The following TFDP2 variants were observed in gnomAD, a reference collection of about 807,000 sequenced individuals.
TFDP2 encodes transcription factor Dp-2 (E2F dimerization partner 2).
In TFDP2, 17 loss-of-function variants were observed where a neutral mutation model predicts 59.3. The observed-to-expected ratio is 0.29, with a 90% CI of 0.20 to 0.43. The LOEUF is 0.43. TFDP2 is among the 20% of genes least tolerant of loss of function. The pLI is 1.00. For missense variants in TFDP2, 391 were observed against 528.8 expected, an observed-to-expected ratio of 0.74 and a Z score of 2.56; for synonymous variants, 180 against 194.7, an observed-to-expected ratio of 0.92 and a Z score of 0.63.
At chr3:142,135,931 T>A (rs1164254408) in intron 1 of TFDP2, among the ~76,000 whole-genome samples, 1 of 152,074 alleles carries the variant, frequency 6.6e-6, no homozygotes, top group African/African-American at 2.4e-5. Flanking sequence ...GTGATGAGAT[T>A]GCTGGGTCAA....
At chr3:142,091,907 C>G (rs1467553484) in intron 3 of TFDP2, among the ~76,000 whole-genome samples, 1 of 152,160 alleles carries the variant, frequency 6.6e-6, no homozygotes, top group African/African-American at 2.4e-5. Flanking sequence ...GCCATGAGCT[C>G]ACAGCCTGGG....
intron 1 of TFDP2, among the ~76,000 whole-genome samples, chr3:142,143,006 C>T (rs554167601): frequency 9.8e-5 from 15 of 152,296 alleles, no homozygotes; most frequent in East Asian, 3.9e-4. Flanking sequence ...GAGGCCAAGG[C>T]GAGCAGATCA....
intron 1 of TFDP2, among the ~76,000 whole-genome samples, chr3:142,103,712 T>C (rs547543260): frequency 1.3e-5 from 2 of 152,242 alleles, no homozygotes; most frequent in African/African-American, 4.8e-5. Flanking sequence ...TTCTCTTATT[T>C]TAAAATTATC....
intron 3 of TFDP2, among the ~76,000 whole-genome samples, chr3:142,078,977 CAG>C (rs2060551516): frequency 6.6e-6 from 1 of 151,972 alleles, no homozygotes; most frequent in Admixed American, 6.6e-5. Flanking sequence ...AAGGATCAAA[CAG>C]AAATTCTAGA....
intron 3 of TFDP2, among the ~76,000 whole-genome samples, chr3:142,059,716 A>T (rs1359858250): frequency 1.3e-5 from 2 of 152,094 alleles, no homozygotes; most frequent in Non-Finnish European, 2.9e-5. Context: ...AGTAGCTGGG[A>T]CTACCAGCGT....
At chr3:142,081,785 A>C (rs886388558) in intron 3 of TFDP2, among the ~76,000 whole-genome samples, 1 of 152,224 alleles carries the variant, frequency 6.6e-6, no homozygotes, top group African/African-American at 2.4e-5. Flanking sequence ...CCATAAAGTA[A>C]TCCAAAACCT....
chr3:142,086,399 C>T (rs992057605), intron 3 of TFDP2, among the ~76,000 whole-genome samples: 4 of 152,212 alleles, frequency 2.6e-5, no homozygotes, highest in African/African-American at 4.8e-5. Flanking sequence ...GTAACCTCTG[C>T]TTCTGACCAA....
At chr3:142,114,860 T>C (rs185633101) in intron 1 of TFDP2, among the ~76,000 whole-genome samples, 211 of 152,286 alleles carry the variant, frequency 1.4e-3, no homozygotes, top group Non-Finnish European at 2.3e-3. Context: ...CATAGATGTA[T>C]ATTTAAATGT....
At chr3:141,979,751 G>A (rs1218174035) in intron 6 of TFDP2, among the ~76,000 whole-genome samples, 21 of 152,052 alleles carry the variant, frequency 1.4e-4, no homozygotes, top group Non-Finnish European at 1.5e-5. Context: ...ACCACACCTG[G>A]CTAATTTTTG....
intron 7 of TFDP2, among the ~76,000 whole-genome samples, chr3:141,975,586 C>G (rs1940513255): frequency 6.6e-6 from 1 of 150,712 alleles, no homozygotes; most frequent in Admixed American, 6.7e-5. Context: ...GCCAGCTACT[C>G]AGGAGGATGA....
chr3:142,128,801 A>G (rs1048632974), intron 1 of TFDP2, among the ~76,000 whole-genome samples: 3 of 152,044 alleles, frequency 2.0e-5, no homozygotes, highest in African/African-American at 7.2e-5. Context: ...ATTTTTTTTT[A>G]AAGTAGAAAA....
intron 3 of TFDP2, among the ~76,000 whole-genome samples, chr3:142,071,949 T>C (rs1308746018): frequency 6.6e-6 from 1 of 152,170 alleles, no homozygotes; most frequent in Non-Finnish European, 1.5e-5. Context: ...GCCACAGGTA[T>C]AGATTTCGGA....
At position 141,968,679 on chromosome 3, in the gene TFDP2, CATAT is replaced by C. The variant is rs1258854836; in HGVS notation, c.732+1390_732+1393del. Among the ~76,000 whole-genome samples, 546 of 91,414 alleles carry C rather than the reference CATAT, an allele frequency of 6.0e-3. 19 individuals carry two copies. The highest frequency in any genetic ancestry group is 0.024 in the African/African-American group (513 of 21,004). 60.0% of individuals were successfully genotyped at this position (91,414 alleles called of 152,430 possible). A position where few individuals can be genotyped will look rare whatever the true frequency, so the allele number is the denominator to read the frequency against. On this transcript the variant is annotated intron_variant, in intron 9 of 12. Transcript: ENST00000489671. ...AGATATATATAACACATATATATCT[CATAT>C]ATAGATATATATAACACATATATAT...
chr3:141,972,114 T>C (rs1410258804), intron 8 of TFDP2, among the ~76,000 whole-genome samples: 1 of 152,204 alleles, frequency 6.6e-6, no homozygotes, highest in African/African-American at 2.4e-5. Flanking sequence ...TCCACCACGT[T>C]TTACTTTTAA....
At chr3:142,036,899 G>A (rs1478038363) in intron 3 of TFDP2, among the ~76,000 whole-genome samples, 1 of 152,060 alleles carries the variant, frequency 6.6e-6, no homozygotes, top group African/African-American at 2.4e-5. Context: ...AAACTCATGG[G>A]GCAGTCTTGT....
intron 1 of TFDP2, among the ~76,000 whole-genome samples, chr3:142,110,818 T>G (rs959649170): frequency 6.6e-6 from 1 of 151,738 alleles, no homozygotes; most frequent in East Asian, 2.0e-4. Context: ...CCAGGCATGG[T>G]GGCACACACC....
chr3:141,954,290 C>T (rs1307639183), intron 11 of TFDP2, among the ~76,000 whole-genome samples: 1 of 152,144 alleles, frequency 6.6e-6, no homozygotes, highest in Non-Finnish European at 1.5e-5. Context: ...TGGTTTAATA[C>T]TTTTTATCTT....
At chr3:142,051,470 C>T (rs750246462) in intron 3 of TFDP2, among the ~76,000 whole-genome samples, 9 of 149,300 alleles carry the variant, frequency 6.0e-5, no homozygotes, top group Admixed American at 2.0e-4. Context: ...GCCTGGGAGG[C>T]GGAGGTTGCA....
intron 3 of TFDP2, among the ~76,000 whole-genome samples, chr3:142,035,981 A>T (rs1214603893): frequency 1.3e-5 from 2 of 152,260 alleles, no homozygotes; most frequent in East Asian, 3.8e-4. Context: ...CTCAAAGTCC[A>T]CATACTTGGT....
Sources: allele counts gnomAD v4.1 joint callset (sites outside exome capture counted in the v4.1 genomes callset), GRCh38; gene constraint gnomAD v4.1.1; transcripts MANE v1.5; gene names NCBI Gene and HGNC (gene_info 2026-07-23, HGNC 2026-07-21).